The following SPICE1 variants were observed in gnomAD, a reference collection of about 807,000 sequenced individuals.
The protein encoded by SPICE1 is spindle and centriole associated protein 1, also known as spindle and centriole-associated protein 1.
SPICE1 carries 75 observed loss-of-function variants against 102.7 expected under a neutral mutation model. The ratio of observed to expected loss-of-function variants is 0.73; its 90% confidence interval spans 0.61 to 0.88. The LOEUF is 0.88. Among genes scored for constraint, SPICE1 ranks in the 40% least tolerant of loss-of-function variants. The pLI, the probability that SPICE1 is intolerant of heterozygous loss-of-function variation, is 0.00. For missense variants in SPICE1, 979 were observed against 1,020.1 expected (o/e 0.96, Z 0.55); for synonymous variants, 308 against 350.3 (o/e 0.88, Z 1.35).
At chr3:113,470,211 C>T (rs909409430) in intron 7 of SPICE1, among the ~76,000 whole-genome samples, 1 of 152,292 alleles carries the variant, frequency 6.6e-6, no homozygotes. Flanking sequence ...GTGGGAAAAA[C>T]TTTAAGCAAA....
At chr3:113,494,328 T>A (rs1286554575) in intron 4 of SPICE1, among the ~76,000 whole-genome samples, 186 bp from the exon 5 acceptor site, 1 of 152,142 alleles carries the variant, frequency 6.6e-6, no homozygotes, top group Admixed American at 6.5e-5. Context: ...GGCTTTCCAA[T>A]ACCTGACTGA....
chr3:113,507,224 A>G (rs1294761540), intron 1 of SPICE1, among the ~76,000 whole-genome samples: 1 of 152,002 alleles, frequency 6.6e-6, no homozygotes. Flanking sequence ...GAATTTTTAA[A>G]TTGCCAACAT....
intron 2 of SPICE1, 61 bp downstream of exon 2, chr3:113,506,446 T>C (rs1451013407): frequency 2.2e-6 from 3 of 1,336,582 alleles, no homozygotes; most frequent in Non-Finnish European, 3.2e-6. Flanking sequence ...ACTAGGGCCA[T>C]ATCACTGTGT....
In SPICE1 at chr3:113,457,856, AC is replaced by A. The variant is rs1935817009; in HGVS notation, c.1436-500del. ...TGTATTCGTTGTAAAGACGGGGTTC[AC>A]CATGCTGCCTAGGCTGGTAGAATTT... On this transcript the variant is annotated intron_variant, in intron 12 of 17. Transcript: ENST00000295872. Among the ~76,000 whole-genome samples the A allele has an allele frequency of 3.3e-5, 5 of 152,244 alleles. No homozygotes were observed. The South Asian group carries it at 1.0e-3, about 32-fold the overall frequency.
chr3:113,485,542 G>C (rs1288183954), intron 7 of SPICE1, among the ~76,000 whole-genome samples: 1 of 152,084 alleles, frequency 6.6e-6, no homozygotes, highest in African/African-American at 2.4e-5. Flanking sequence ...TCCTCAATGG[G>C]CAGAACATGT....
chr3:113,452,557 A>C (rs1432045031), intron 14 of SPICE1, among the ~76,000 whole-genome samples: 1 of 151,874 alleles, frequency 6.6e-6, no homozygotes, highest in Admixed American at 6.6e-5. Context: ...GGTAGTACGC[A>C]CCTGTAATCC....
intron 7 of SPICE1, among the ~76,000 whole-genome samples, chr3:113,487,485 G>A (rs1267588069): frequency 1.3e-5 from 2 of 151,764 alleles, no homozygotes; most frequent in Non-Finnish European, 3.0e-5. Flanking sequence ...AACAATGACT[G>A]CCAAGTGCAA....
chr3:113,494,187 A>G, intron 4 of SPICE1, 45 bp from the exon 5 acceptor site: 1 of 1,358,148 alleles, frequency 7.4e-7, no homozygotes. Flanking sequence ...GATTATATTT[A>G]CTTTTCAAAT....
At position 113,514,668 on chromosome 3, in the gene SPICE1, T is replaced by TTCTGAGAAGCCC. The variant is rs1234785118; in HGVS notation, c.-1+217_-1+228dup. 1.3e-5 allele frequency: 11 copies of TTCTGAGAAGCCC among 827,136 alleles called. No homozygotes were observed. In the East Asian group the frequency reaches 2.5e-4, roughly 19 times the overall value. The allele number at this position is 827,136 out of a possible 1,614,324, so 51.2% of individuals were successfully genotyped here. On this transcript the variant is annotated intron_variant, in intron 1 of 17. Coordinates refer to ENST00000295872, the MANE Select transcript of SPICE1 (RefSeq NM_144718.4). Reference sequence around the variant, plus strand: ...CTCCTCAAAACTCACAGGAGGAGCCTTCTGAGAAGCCCCTCTGACATCCAT... The same window carrying TTCTGAGAAGCCC: ...CTCCTCAAAACTCACAGGAGGAGCCTTCTGAGAAGCCCTCTGAGAAGCCCCTCTGACATCCAT...
intron 17 of SPICE1, 31 bp from the exon 18 acceptor site, chr3:113,445,391 A>G (rs751803545): frequency 1.2e-5 from 19 of 1,595,794 alleles, no homozygotes; most frequent in South Asian, 6.6e-5. Context: ...AAAAATTTAG[A>G]TGGTAATTAG....
At chr3:113,489,691 T>G (rs1451576598) in intron 6 of SPICE1, among the ~76,000 whole-genome samples, 1 of 151,594 alleles carries the variant, frequency 6.6e-6, no homozygotes, top group African/African-American at 2.4e-5. Context: ...ACAAAAAAAT[T>G]TAAAAATTAG....
At chr3:113,501,281 C>G (rs527421538) in intron 3 of SPICE1, among the ~76,000 whole-genome samples, 7 of 152,096 alleles carry the variant, frequency 4.6e-5, no homozygotes, top group Non-Finnish European at 8.8e-5. Flanking sequence ...AATCATAGTT[C>G]TACATATAAG....
intron 7 of SPICE1, among the ~76,000 whole-genome samples, chr3:113,474,821 C>T (rs1030791113): frequency 1.8e-4 from 27 of 151,648 alleles, no homozygotes; most frequent in South Asian, 4.2e-4. Flanking sequence ...CACTAAATGC[C>T]CACAAGAGAA....
chr3:113,502,662 T>TAAAAAAAAAAAAAAAAA (rs35248720), intron 3 of SPICE1, among the ~76,000 whole-genome samples: 1 of 87,286 alleles, frequency 1.1e-5, no homozygotes, highest in Non-Finnish European at 2.2e-5. Flanking sequence ...CAATAAATCT[T>TAAAAAAAAAAAAAAAAA]AAAAAAAAAA....
intron 3 of SPICE1, among the ~76,000 whole-genome samples, chr3:113,502,536 T>C (rs114555165): frequency 0.014 from 2,109 of 151,936 alleles, 42 homozygotes; most frequent in African/African-American, 0.047. Context: ...CATTTTGGGG[T>C]AATGAAAACA....
In SPICE1 at chr3:113,476,313, T is replaced by G. The variant is rs571930348; in HGVS notation, c.612-7075A>C. ...TACAAACAAATGGAAGAACATTCCA[T>G]GCTCATGGGTAGGAAGAATCACTAT... On this transcript the variant is annotated intron_variant, in intron 7 of 17. Transcript: ENST00000295872. Among the ~76,000 whole-genome samples, 1,158 of 151,554 alleles carry G rather than the reference T, an allele frequency of 7.6e-3. 14 individuals are homozygous for G. The highest frequency in any genetic ancestry group is 0.024 in the Middle Eastern group (7 of 294).
At chr3:113,479,855 G>C (rs1215394735) in intron 7 of SPICE1, among the ~76,000 whole-genome samples, 1 of 151,650 alleles carries the variant, frequency 6.6e-6, no homozygotes. Flanking sequence ...ACTAGAAAAA[G>C]TAAACAAAAA....
intron 12 of SPICE1, among the ~76,000 whole-genome samples, chr3:113,459,284 G>A (rs1297631402): frequency 3.9e-5 from 6 of 152,034 alleles, no homozygotes; most frequent in Non-Finnish European, 8.8e-5. Flanking sequence ...CACTGCGGAA[G>A]GAGGCAAGGC....
intron 10 of SPICE1, 92 bp from the exon 11 acceptor site, chr3:113,465,876 AAAG>A (rs1936044765): frequency 8.0e-7 from 1 of 1,249,384 alleles, no homozygotes; most frequent in Non-Finnish European, 1.1e-6. Context: ...AGATATTTAC[AAAG>A]AAGCATATAT....
Sources: gnomAD v4.1 joint callset for allele counts (sites outside exome capture counted in the v4.1 genomes callset) on GRCh38, gnomAD v4.1.1 for gene constraint, MANE v1.5 for transcripts, NCBI Gene and HGNC (gene_info 2026-07-23, HGNC 2026-07-21) for gene names.